Variants in DLG2 observed in about 807,000 individuals in gnomAD.
The protein encoded by DLG2 is discs large MAGUK scaffold protein 2.
DLG2 carries 45 observed loss-of-function variants against 132.5 expected under a neutral mutation model. That is an observed-to-expected ratio of 0.34 (90% CI 0.27 to 0.44). The LOEUF (loss-of-function observed/expected upper bound fraction) is 0.44. Ranked by LOEUF, DLG2 falls within the 20% of genes least tolerant of loss-of-function variation. The pLI, the probability that DLG2 is intolerant of heterozygous loss-of-function variation, is 1.00. For synonymous variants in DLG2, 424 were observed against 419.6 expected (o/e 1.01, Z -0.13); for missense variants, 1,045 against 1,196.9 (o/e 0.87, Z 1.87).
chr11:85,197,796 A>G (rs1018075310), intron 4 of DLG2, among the ~76,000 whole-genome samples: 1 of 152,200 alleles, frequency 6.6e-6, no homozygotes, highest in Non-Finnish European at 1.5e-5. Context: ...TAAAGGATAC[A>G]TCCCTGGACA....
At chr11:83,893,037 T>C (rs2070434446) in intron 15 of DLG2, among the ~76,000 whole-genome samples, 1 of 152,142 alleles carries the variant, frequency 6.6e-6, no homozygotes, top group South Asian at 2.1e-4. Context: ...AGTTGAAAAA[T>C]CTAGGCATTT....
At chr11:84,871,331 G>A (rs945540266) in intron 6 of DLG2, among the ~76,000 whole-genome samples, 1 of 152,192 alleles carries the variant, frequency 6.6e-6, no homozygotes, top group African/African-American at 2.4e-5. Context: ...ATCACTGGCT[G>A]TGGTGTTCTC....
At chr11:84,747,506 T>C (rs1450086245) in intron 6 of DLG2, among the ~76,000 whole-genome samples, 1 of 152,212 alleles carries the variant, frequency 6.6e-6, no homozygotes, top group Non-Finnish European at 1.5e-5. Context: ...TATGTGATCT[T>C]GGGCAACTTA....
chr11:85,337,607 G>A (rs1230067226), intron 3 of DLG2, among the ~76,000 whole-genome samples: 1 of 152,168 alleles, frequency 6.6e-6, no homozygotes, highest in Non-Finnish European at 1.5e-5. Flanking sequence ...ATTATTACAG[G>A]TGATTGCCAG....
At chr11:85,023,700 T>C (rs535194177) in intron 6 of DLG2, among the ~76,000 whole-genome samples, 1 of 152,238 alleles carries the variant, frequency 6.6e-6, no homozygotes, top group East Asian at 1.9e-4. Flanking sequence ...TATATCTCGA[T>C]AACTATTCTA....
intron 6 of DLG2, among the ~76,000 whole-genome samples, chr11:84,905,135 G>T (rs6592213): frequency 0.48 from 72,433 of 151,882 alleles, 17,678 homozygotes; most frequent in South Asian, 0.62. Context: ...CTCTCCCATC[G>T]CAGCCTCCCA....
chr11:84,994,958 C>A (rs981724516), intron 6 of DLG2, among the ~76,000 whole-genome samples: 1 of 152,086 alleles, frequency 6.6e-6, no homozygotes, highest in Admixed American at 6.6e-5. Context: ...TGTAAGCACA[C>A]AGATAGATTC....
At chr11:85,555,684 C>T (rs1322187146) in intron 3 of DLG2, among the ~76,000 whole-genome samples, 4 of 151,954 alleles carry the variant, frequency 2.6e-5, no homozygotes, top group South Asian at 4.2e-4. Flanking sequence ...AAAGTCATCA[C>T]CATACCCAGA....
chr11:85,113,367 A>G (rs912908575), intron 5 of DLG2, among the ~76,000 whole-genome samples: 2 of 152,050 alleles, frequency 1.3e-5, no homozygotes, highest in African/African-American at 4.8e-5. Flanking sequence ...ACAAAATATG[A>G]CGGGTGCATA....
rs759099130 is a variant in DLG2, at chr11:83,493,763, A to G, written c.2194-9535T>C. ...TACCTGGCAGAAAGTCTGCTAGTGA[A>G]TAAACAAATCAATGATCAATGCAGA... On this transcript the variant is annotated intron_variant, in intron 21 of 27. Coordinates refer to ENST00000376104, the MANE Select transcript of DLG2 (RefSeq NM_001142699.3). Among the ~76,000 whole-genome samples the G allele has an allele frequency of 2.0e-5, 3 of 152,144 alleles. No individual in the cohort carries two copies. In the South Asian group the frequency reaches 6.2e-4, roughly 32 times the overall value.
intron 11 of DLG2, among the ~76,000 whole-genome samples, chr11:84,036,965 A>C (rs1222360882): frequency 6.6e-6 from 1 of 152,126 alleles, no homozygotes; most frequent in Non-Finnish European, 1.5e-5. Context: ...GTCTGATCTA[A>C]TGGAGCCATC....
At chr11:84,505,537 G>C (rs918108288) in intron 7 of DLG2, among the ~76,000 whole-genome samples, 1 of 152,120 alleles carries the variant, frequency 6.6e-6, no homozygotes, top group Non-Finnish European at 1.5e-5. Flanking sequence ...ATGGCTTTGA[G>C]CAAGTGTTTA....
At chr11:84,342,961 C>T (rs7128524) in intron 7 of DLG2, among the ~76,000 whole-genome samples, 2 of 152,036 alleles carry the variant, frequency 1.3e-5, no homozygotes, top group East Asian at 3.9e-4. Context: ...CATGCAGCGT[C>T]CCAGGCACCA....
chr11:83,963,101 G>A (rs2089274579), intron 13 of DLG2, 78 bp from the exon 14 acceptor site: 3 of 1,494,264 alleles, frequency 2.0e-6, no homozygotes, highest in African/African-American at 1.4e-5. Flanking sequence ...TCAGAAAAAT[G>A]TATTAAAAAC....
At chr11:84,316,503 G>T in intron 7 of DLG2, among the ~76,000 whole-genome samples, 1 of 151,874 alleles carries the variant, frequency 6.6e-6, no homozygotes, top group East Asian at 1.9e-4. Flanking sequence ...TAATAAACAG[G>T]CAGGACAGAA....
At chr11:85,075,391 T>A (rs1050220528) in intron 6 of DLG2, among the ~76,000 whole-genome samples, 2 of 151,856 alleles carry the variant, frequency 1.3e-5, no homozygotes, top group African/African-American at 4.8e-5. Flanking sequence ...CTGTGAAAAC[T>A]TAGAAGCAAT....
At chr11:84,586,241 CT>C (rs2099529655) in intron 6 of DLG2, among the ~76,000 whole-genome samples, 2 of 149,240 alleles carry the variant, frequency 1.3e-5, no homozygotes, top group African/African-American at 5.1e-5. Context: ...TTTATATACA[CT>C]AAGGATATTT....
intron 6 of DLG2, among the ~76,000 whole-genome samples, chr11:84,536,624 G>A (rs931541283): frequency 1.4e-4 from 21 of 152,056 alleles, no homozygotes; most frequent in African/African-American, 5.1e-4. Flanking sequence ...TAGTTTCTCT[G>A]GCTTTCAACC....
At position 84,486,278 on chromosome 11, in the gene DLG2, T is replaced by G. The variant is rs563974074; in HGVS notation, c.519+48292A>C. ...TTAGCAAGGCTCAAGCACCTTAAAT[T>G]TTTGAAGATTATGATCCATAAGTTC... On this transcript the variant is annotated intron_variant, in intron 7 of 27. Transcript: ENST00000376104. Among the ~76,000 whole-genome samples, 437 of 152,176 alleles carry G rather than the reference T, an allele frequency of 2.9e-3. 10 individuals are homozygous for G. Among genetic ancestry groups the G allele is most frequent in the Admixed American group, 0.025 (386 of 15,282 alleles).
Sources: gnomAD v4.1 joint callset for allele counts (sites outside exome capture counted in the v4.1 genomes callset) on GRCh38, gnomAD v4.1.1 for gene constraint, MANE v1.5 for transcripts, NCBI Gene and HGNC (gene_info 2026-07-23, HGNC 2026-07-21) for gene names.